The following ZNF454 variants were observed in gnomAD, a reference collection of about 807,000 sequenced individuals.
ZNF454 encodes the protein zinc finger protein 454.
In ZNF454, 30 loss-of-function variants were observed where a neutral mutation model predicts 48.2. The ratio of observed to expected loss-of-function variants is 0.62; its 90% confidence interval spans 0.47 to 0.84. The LOEUF (loss-of-function observed/expected upper bound fraction) is 0.84. ZNF454 is among the 40% of genes least tolerant of loss of function. The pLI, the probability that ZNF454 is intolerant of heterozygous loss-of-function variation, is 0.00. For synonymous variants in ZNF454, 204 were observed against 211.4 expected (o/e 0.97, Z 0.30); for missense variants, 510 against 623.1 (o/e 0.82, Z 1.93).
chr5:178,975,180 C>T, the ZNF454 span, among the ~76,000 whole-genome samples: 141 of 152,220 alleles, frequency 9.3e-4, 1 homozygote, highest in Non-Finnish European at 1.5e-3. Flanking sequence ...ACTCAGGAGA[C>T]TGAGGCAGGA....
chr5:178,942,220 A>G (rs1759123629), intron 1 of ZNF454, among the ~76,000 whole-genome samples: 1 of 152,152 alleles, frequency 6.6e-6, no homozygotes, highest in East Asian at 1.9e-4. Flanking sequence ...TCCGACCAAC[A>G]TGGTGAAATC....
chr5:178,963,562 T>C (rs1192715837), intron 4 of ZNF454, among the ~76,000 whole-genome samples: 1 of 151,750 alleles, frequency 6.6e-6, no homozygotes, highest in Non-Finnish European at 1.5e-5. Context: ...TCGTGAATTC[T>C]GCATCGTCTG....
At chr5:178,954,483 A>G (rs890226225) in intron 4 of ZNF454, among the ~76,000 whole-genome samples, 1 of 152,144 alleles carries the variant, frequency 6.6e-6, no homozygotes, top group African/African-American at 2.4e-5. Context: ...ACTTTGGTGT[A>G]TGTGCTTTTT....
At chr5:178,986,478 C>G in the ZNF454 span, 3 of 1,611,902 alleles carry the variant, frequency 1.9e-6, no homozygotes, top group Non-Finnish European at 1.7e-6. Flanking sequence ...CCAGCACGGC[C>G]AGGAGGAGCG....
At chr5:178,964,367 G>A (rs769858006) in intron 4 of ZNF454, among the ~76,000 whole-genome samples, 1 of 151,992 alleles carries the variant, frequency 6.6e-6, no homozygotes, top group East Asian at 1.9e-4. Context: ...TGATCCACCC[G>A]CCTTGGCCTC....
the ZNF454 span, among the ~76,000 whole-genome samples, chr5:178,977,869 G>A: frequency 3.9e-5 from 6 of 152,208 alleles, no homozygotes; most frequent in Non-Finnish European, 8.8e-5. Context: ...ACAGGCATGA[G>A]CCACTGCACT....
intron 4 of ZNF454, among the ~76,000 whole-genome samples, chr5:178,949,791 A>G (rs1162421496): frequency 6.6e-6 from 1 of 151,608 alleles, no homozygotes; most frequent in Non-Finnish European, 1.5e-5. Context: ...TAATTTTTGT[A>G]TTTTTAGTAG....
At chr5:178,981,901 C>T in the ZNF454 span, 1 of 1,148,122 alleles carries the variant, frequency 8.7e-7, no homozygotes, top group South Asian at 1.2e-5. This position sits in a 1 kb window ranked among gnomAD's most constrained non-coding sequence, Gnocchi z 5.1. Flanking sequence ...CCTGCTCTCC[C>T]TGCCCCGCTC....
At chr5:178,963,534 T>G (rs1760057910) in intron 4 of ZNF454, among the ~76,000 whole-genome samples, 1 of 151,688 alleles carries the variant, frequency 6.6e-6, no homozygotes. Flanking sequence ...AAGGATGGCT[T>G]GTTCTTGATG....
At chr5:178,989,355 T>C in the ZNF454 span, 2 of 1,613,982 alleles carry the variant, frequency 1.2e-6, no homozygotes, top group Non-Finnish European at 1.7e-6. Context: ...GCGAACCAGA[T>C]GTTCCTGCGG....
chr5:178,981,789 C>T, the ZNF454 span: 3 of 1,612,628 alleles, frequency 1.9e-6, no homozygotes, highest in Admixed American at 5.0e-5. The surrounding 1 kb of genome is among the most constrained non-coding windows in gnomAD (Gnocchi z 5.1). Context: ...GTACGTAGAG[C>T]ATGCCGAGGG....
chr5:178,969,114 C>G (rs2113290506), downstream of ZNF454, among the ~76,000 whole-genome samples: 1 of 152,288 alleles, frequency 6.6e-6, no homozygotes, highest in African/African-American at 2.4e-5. Flanking sequence ...CTTGGCCAGG[C>G]AGTGGCTTTA....
Position 178,946,956 on chromosome 5 carries a change from C to T in ZNF454, c.220C>T (p.Pro74Ser). Residue 74 changes from proline to serine, a missense_variant, in exon 4 of 5, where the codon CCA becomes TCA. Transcript: ENST00000519564. The surrounding 1 kb of genome is among the most constrained non-coding windows in gnomAD (Gnocchi z 4.5). Reference protein sequence around the residue: ...SQLEKREVWMPEDTPGGFCLD... With the variant: ...SQLEKREVWMSEDTPGGFCLD... The stretch of plus-strand genomic sequence containing the variant: ...GCTAGAAAAAAGGGAAGTGTGGATG[C>T]CAGAGGACACCCCTGGAGGCTTCTG... 1.9e-6 allele frequency: 3 copies of T among 1,614,028 alleles called. No homozygotes were observed. In the African/African-American group the frequency reaches 4.0e-5, roughly 22 times the overall value.
the ZNF454 span, chr5:178,986,314 G>C: frequency 6.2e-7 from 1 of 1,614,014 alleles, no homozygotes; most frequent in Non-Finnish European, 8.5e-7. Context: ...ACAGACCGCG[G>C]CCCCAGGCTC....
chr5:178,978,529 A>C, the ZNF454 span: 1 of 152,234 alleles, frequency 6.6e-6, no homozygotes, highest in Non-Finnish European at 1.5e-5. Flanking sequence ...ACTATACAGA[A>C]GCTCTTCTGT....
At chr5:178,986,346 G>A in the ZNF454 span, 1 of 1,614,152 alleles carries the variant, frequency 6.2e-7, no homozygotes, top group African/African-American at 1.3e-5. Flanking sequence ...GGAAGGTGAT[G>A]GCGTAGATGA....
chr5:178,985,602 C>A, the ZNF454 span: 80 of 349,976 alleles, frequency 2.3e-4, no homozygotes, highest in Non-Finnish European at 3.8e-4. Context: ...ACTCGGGAGG[C>A]TGAGGCAGGA....
At chr5:178,956,129 T>C (rs376423551) in intron 4 of ZNF454, among the ~76,000 whole-genome samples, 1 of 152,240 alleles carries the variant, frequency 6.6e-6, no homozygotes, top group South Asian at 2.1e-4. Flanking sequence ...TATTTTGTTT[T>C]TGAATCCTCT....
chr5:178,989,223 C>CAA, the ZNF454 span: 18 of 1,134,310 alleles, frequency 1.6e-5, no homozygotes, highest in Non-Finnish European at 2.4e-5. Flanking sequence ...CCTCACCACC[C>CAA]TCCCCACCCT....
Sources: gnomAD v4.1 joint callset for allele counts (sites outside exome capture counted in the v4.1 genomes callset) on GRCh38, gnomAD v4.1.1 for gene constraint, Gnocchi (gnomAD v3.1) non-coding constraint, MANE v1.5 for transcripts, NCBI Gene and HGNC (gene_info 2026-07-23, HGNC 2026-07-21) for gene names.